GRIA4: variants seen among roughly 807,000 people sequenced by gnomAD.
The protein encoded by GRIA4 is glutamate ionotropic receptor AMPA type subunit 4, also known as glutamate receptor 4.
A neutral mutation model predicts 104.0 loss-of-function variants in GRIA4; 34 were observed. That is an observed-to-expected ratio of 0.33 (90% CI 0.25 to 0.44). GRIA4 has a LOEUF of 0.44. Among genes scored for constraint, GRIA4 ranks in the 20% least tolerant of loss-of-function variants. The pLI, the probability that GRIA4 is intolerant of heterozygous loss-of-function variation, is 1.00. For synonymous variants in GRIA4, 386 were observed against 381.9 expected (o/e 1.01, Z -0.13); for missense variants, 750 against 1,096.5 (o/e 0.68, Z 4.46).
intron 4 of GRIA4, among the ~76,000 whole-genome samples, chr11:105,823,997 G>A (rs1943672934): frequency 6.6e-6 from 1 of 152,108 alleles, no homozygotes; most frequent in Non-Finnish European, 1.5e-5. Context: ...ACAAAGGAGA[G>A]ACCATGTGAG....
chr11:105,643,665 G>A (rs907562222), intron 3 of GRIA4, among the ~76,000 whole-genome samples: 2 of 152,140 alleles, frequency 1.3e-5, no homozygotes, highest in Admixed American at 1.3e-4. Flanking sequence ...CTAACAAAGT[G>A]TTAGATGCAA....
chr11:105,661,162 T>A (rs557465563), intron 3 of GRIA4, among the ~76,000 whole-genome samples: 1 of 151,632 alleles, frequency 6.6e-6, no homozygotes, highest in Non-Finnish European at 1.5e-5. Flanking sequence ...AGATTATCAA[T>A]AGATACCTTA....
chr11:105,791,832 C>G (rs752919858), intron 4 of GRIA4, among the ~76,000 whole-genome samples: 2 of 152,074 alleles, frequency 1.3e-5, no homozygotes, highest in East Asian at 3.8e-4. Flanking sequence ...GTGAATTACA[C>G]GTGGGCAATG....
Position 105,688,843 on chromosome 11 carries a change from T to C in GRIA4, c.248-64138T>C, listed in dbSNP as rs1387961346. On this transcript the variant is annotated intron_variant, in intron 3 of 16. Transcript: ENST00000282499. The stretch of plus-strand genomic sequence containing the variant: ...AATATACAGATAATACGTCATTAGG[T>C]AGATGGTGGTGCTAGGAAAAAAAGT... Among the ~76,000 whole-genome samples, 11 of 152,070 alleles carry C rather than the reference T, an allele frequency of 7.2e-5. No homozygotes were observed. In the East Asian group the frequency reaches 2.1e-3, roughly 30 times the overall value.
At chr11:105,871,110 A>G (rs1416365753) in intron 5 of GRIA4, among the ~76,000 whole-genome samples, 2 of 152,082 alleles carry the variant, frequency 1.3e-5, no homozygotes, top group Admixed American at 1.3e-4. Context: ...TGCAGTTTAT[A>G]TTTTAGTGGG....
intron 4 of GRIA4, among the ~76,000 whole-genome samples, chr11:105,772,118 G>A (rs1218719788): frequency 1.5e-4 from 23 of 152,098 alleles, no homozygotes; most frequent in Admixed American, 3.3e-4. Flanking sequence ...CACTTGAAGC[G>A]ACATGTGATG....
At chr11:105,816,694 T>A (rs1309910847) in intron 4 of GRIA4, among the ~76,000 whole-genome samples, 1 of 152,062 alleles carries the variant, frequency 6.6e-6, no homozygotes, top group East Asian at 1.9e-4. Flanking sequence ...ATTATTTCCA[T>A]CAGTAGCAGA....
At chr11:105,768,823 A>G (rs535309811) in intron 4 of GRIA4, among the ~76,000 whole-genome samples, 8 of 152,232 alleles carry the variant, frequency 5.3e-5, no homozygotes, top group African/African-American at 1.9e-4. Context: ...ACAGAACACA[A>G]ATCTCATGAA....
chr11:105,822,827 G>C (rs187495002), intron 4 of GRIA4, among the ~76,000 whole-genome samples: 46 of 152,208 alleles, frequency 3.0e-4, no homozygotes, highest in Middle Eastern at 3.4e-3. Flanking sequence ...TTTCTTATGG[G>C]AGTGTATAAT....
chr11:105,958,992 T>C (rs1177052642), intron 14 of GRIA4, among the ~76,000 whole-genome samples: 1 of 152,210 alleles, frequency 6.6e-6, no homozygotes, highest in African/African-American at 2.4e-5. Flanking sequence ...ATTAGTCTGA[T>C]GCACTTCCCT....
rs61902582 is a variant in GRIA4 at position 105,943,416 on chromosome 11, G to T, written c.2294+9447G>T. On this transcript the variant is annotated intron_variant, in intron 14 of 16. Coordinates refer to ENST00000282499, the MANE Select transcript of GRIA4 (RefSeq NM_000829.4). The stretch of plus-strand genomic sequence containing the variant: ...GAAGCACAGGCCTATAAAAGGACTT[G>T]TTTTGATTTTTTTAGAACAAAACTT... 9.0e-3 allele frequency among the ~76,000 whole-genome samples: 1,373 copies of T among 152,148 alleles called. 9 individuals are homozygous for T. Among genetic ancestry groups the T allele is most frequent in the Non-Finnish European group, 0.013 (894 of 67,932 alleles).
At chr11:105,765,146 A>G (rs1239656132) in intron 4 of GRIA4, among the ~76,000 whole-genome samples, 1 of 152,186 alleles carries the variant, frequency 6.6e-6, no homozygotes. Flanking sequence ...ATAATATCAA[A>G]AAATGAATTC....
At chr11:105,663,545 G>T (rs1231675239) in intron 3 of GRIA4, among the ~76,000 whole-genome samples, 1 of 151,902 alleles carries the variant, frequency 6.6e-6, no homozygotes, top group Non-Finnish European at 1.5e-5. Flanking sequence ...ACAATGACAG[G>T]ACTAGCTTTA....
chr11:105,696,704 C>G (rs1280300959), intron 3 of GRIA4, among the ~76,000 whole-genome samples: 1 of 151,906 alleles, frequency 6.6e-6, no homozygotes, highest in East Asian at 1.9e-4. Flanking sequence ...TTATTTTATT[C>G]TGCACAAGAT....
intron 3 of GRIA4, among the ~76,000 whole-genome samples, chr11:105,674,483 TA>T (rs1935939842): frequency 6.6e-6 from 1 of 151,776 alleles, no homozygotes; most frequent in South Asian, 2.1e-4. Flanking sequence ...GCAGACGGCC[TA>T]TGAATATAGT....
rs1947654206 is a variant in GRIA4 at position 105,924,533 on chromosome 11, T to G, written c.1611T>G (p.Phe537Leu). Residue 537 changes from phenylalanine (F) to leucine (L), a missense_variant, in exon 12 of 17, where the codon TTT becomes TTG. Phe to Leu is a conservative substitution (Grantham distance 22). This residue lies in a region of GRIA4 where 272 missense variants were observed against 524.5 expected (regional missense o/e 0.52). Transcript: ENST00000282499. ...KKPQKSKPGV[F>L]SFLDPLAYEI... Reference sequence around the variant, plus strand: ...CTCAGAAATCCAAACCAGGAGTGTTTTCCTTCTTGGATCCTCTGGCCTATG... The same window carrying G: ...CTCAGAAATCCAAACCAGGAGTGTTGTCCTTCTTGGATCCTCTGGCCTATG... 13 of 1,613,404 alleles carry G rather than the reference T, an allele frequency of 8.1e-6. No homozygotes were observed. Among genetic ancestry groups the G allele is most frequent in the Non-Finnish European group, 1.1e-5 (13 of 1,179,490 alleles).
chr11:105,910,294 C>CT (rs113570660), intron 9 of GRIA4, 141 bp from the exon 10 acceptor site: 42,232 of 446,298 alleles, frequency 0.095, 12 homozygotes, highest in Non-Finnish European at 0.11. Flanking sequence ...CTTCTGAACA[C>CT]TTTTTTTTTT....
intron 3 of GRIA4, among the ~76,000 whole-genome samples, chr11:105,673,460 T>G (rs1196927701): frequency 2.6e-5 from 4 of 152,144 alleles, no homozygotes; most frequent in Non-Finnish European, 5.9e-5. Context: ...TCCAGATCAG[T>G]TATCCGAACT....
At chr11:105,777,130 C>T (rs1050656532) in intron 4 of GRIA4, among the ~76,000 whole-genome samples, 6 of 152,130 alleles carry the variant, frequency 3.9e-5, no homozygotes, top group Non-Finnish European at 8.8e-5. Flanking sequence ...ATTAACAGTG[C>T]TTACTTCTGC....
Sources: gnomAD v4.1 joint callset for allele counts (sites outside exome capture counted in the v4.1 genomes callset) on GRCh38, gnomAD v4.1.1 for gene constraint, gnomAD v4.1.1 regional missense constraint, MANE v1.5 for transcripts, NCBI Gene and HGNC (gene_info 2026-07-23, HGNC 2026-07-21) for gene names.